Variants in RAP1A observed in about 807,000 individuals in gnomAD.
The protein encoded by RAP1A is ras-related protein Rap-1A.
RAP1A carries 6 observed loss-of-function variants against 26.4 expected under a neutral mutation model. That is an observed-to-expected ratio of 0.23 (90% CI 0.12 to 0.45). The LOEUF (loss-of-function observed/expected upper bound fraction) is 0.45. Ranked by LOEUF, RAP1A falls within the 20% of genes least tolerant of loss-of-function variation. The probability of loss-of-function intolerance (pLI) is 0.99; values close to 1 mark genes in which losing one functional copy is unlikely to be tolerated. For missense variants in RAP1A, 121 were observed against 217.2 expected, an observed-to-expected ratio of 0.56 and a Z score of 2.78; for synonymous variants, 73 against 79.4, an observed-to-expected ratio of 0.92 and a Z score of 0.43.
chr1:111,640,887 A>G (rs536759424), intron 1 of RAP1A, among the ~76,000 whole-genome samples: 2 of 152,032 alleles, frequency 1.3e-5, no homozygotes, highest in Non-Finnish European at 2.9e-5. Flanking sequence ...TCGCTTGAGC[A>G]TGGGAGGTTG....
chr1:111,558,654 A>G (rs1657611121), intron 1 of RAP1A, among the ~76,000 whole-genome samples: 1 of 124,294 alleles, frequency 8.0e-6, no homozygotes, highest in Non-Finnish European at 1.5e-5. Flanking sequence ...AAATTTTGCT[A>G]AAATAAATGG....
intron 1 of RAP1A, among the ~76,000 whole-genome samples, chr1:111,550,079 G>T (rs370682195): frequency 4.6e-5 from 7 of 152,196 alleles, no homozygotes; most frequent in Admixed American, 4.6e-4. Context: ...TTAGAAATTT[G>T]TCCATTTTCT....
In RAP1A at chr1:111,636,955, T is replaced by A. The variant is rs1659746412; in HGVS notation, c.-28+17021T>A. Among the ~76,000 whole-genome samples the A allele has an allele frequency of 1.3e-5, 2 of 152,322 alleles. 1 individual carries two copies. The highest frequency in any genetic ancestry group is 4.1e-4 in the South Asian group (2 of 4,828). On this transcript the variant is annotated intron_variant, in intron 1 of 7. Transcript: ENST00000369709. ...ATATTTCCATGGAGTGGTGTGATGA[T>A]GTAAGTGTGCTTCATTTAATAAAAG...
intron 1 of RAP1A, among the ~76,000 whole-genome samples, chr1:111,675,632 C>G (rs1243138028): frequency 6.6e-6 from 1 of 152,184 alleles, no homozygotes; most frequent in East Asian, 1.9e-4. Context: ...ACATACTTTT[C>G]ATTTTTGTTT....
In RAP1A at chr1:111,688,265, CTGTGTGTGTG is replaced by C. The variant is rs60277735; in HGVS notation, c.-27-3043_-27-3034del. Among the ~76,000 whole-genome samples the C allele has an allele frequency of 4.4e-4, 60 of 135,432 alleles. 1 individual carries two copies. Among genetic ancestry groups the C allele is most frequent in the East Asian group, 1.5e-3 (7 of 4,790 alleles). 88.8% of individuals were successfully genotyped at this position (135,432 alleles called of 152,430 possible). A position where few individuals can be genotyped will look rare whatever the true frequency, so the allele number is the denominator to read the frequency against. On this transcript the variant is annotated intron_variant, in intron 1 of 7. Transcript: ENST00000369709. ...TGTCTTGCATAGCTTCACAAGAAGT[CTGTGTGTGTG>C]TGTGTGTGTGTGTGTGTGTGTGTGT...
intron 1 of RAP1A, among the ~76,000 whole-genome samples, chr1:111,640,758 G>A (rs1403570633): frequency 6.6e-6 from 1 of 152,146 alleles, no homozygotes; most frequent in Non-Finnish European, 1.5e-5. Context: ...CCATGAGTTT[G>A]AGACCAGCCT....
chr1:111,602,294 TC>T (rs1183511346), intron 1 of RAP1A: 1 of 152,168 alleles, frequency 6.6e-6, no homozygotes, highest in Admixed American at 6.5e-5. Context: ...GATTTTGGAG[TC>T]AGGAAGCTCT....
chr1:111,607,453 C>T (rs1442549183), intron 1 of RAP1A, among the ~76,000 whole-genome samples: 26 of 152,088 alleles, frequency 1.7e-4, no homozygotes, highest in Non-Finnish European at 3.2e-4. Flanking sequence ...CTCAATCTTT[C>T]CCCCACCTTT....
chr1:111,554,804 C>T (rs1005484273), intron 1 of RAP1A, among the ~76,000 whole-genome samples: 2 of 152,062 alleles, frequency 1.3e-5, no homozygotes, highest in African/African-American at 2.4e-5. Context: ...CTGGCAAAAG[C>T]AAACACAAAT....
chr1:111,639,223 TA>T (rs1427650177), intron 1 of RAP1A, among the ~76,000 whole-genome samples: 1 of 152,216 alleles, frequency 6.6e-6, no homozygotes, highest in African/African-American at 2.4e-5. Flanking sequence ...TCTCTACTTA[TA>T]CCTTCAGAGT....
chr1:111,657,003 C>G (rs1314879360), intron 1 of RAP1A, among the ~76,000 whole-genome samples: 1 of 151,580 alleles, frequency 6.6e-6, no homozygotes, highest in African/African-American at 2.4e-5. Context: ...AATTCCCCAT[C>G]CCCCTTCTCC....
chr1:111,542,092 T>C, upstream of RAP1A: 1 of 212,774 alleles, frequency 4.7e-6, no homozygotes, highest in South Asian at 5.7e-5. Context: ...AAGCTTTTTT[T>C]TTTTTTTTGA....
intron 1 of RAP1A, among the ~76,000 whole-genome samples, chr1:111,622,306 A>G (rs1384910134): frequency 1.3e-5 from 2 of 152,174 alleles, no homozygotes; most frequent in Non-Finnish European, 2.9e-5. Flanking sequence ...CATGGCCTAC[A>G]AGCCTTACAG....
intron 1 of RAP1A, among the ~76,000 whole-genome samples, chr1:111,547,500 A>G (rs1657078035): frequency 6.6e-6 from 1 of 152,216 alleles, no homozygotes; most frequent in Non-Finnish European, 1.5e-5. Context: ...TATAAAATAT[A>G]AACTAATTTC....
rs1009532643 is a variant in RAP1A at position 111,563,351 on chromosome 1, A to G, written c.-28+20842A>G. On this transcript the variant is annotated intron_variant, in intron 1 of 7. Coordinates refer to the RAP1A transcript ENST00000356415. ...CTTAACAACAAGCAGCTTACTGTCT[A>G]TCTGGGGAGATAAGACATTCACATA... Among the ~76,000 whole-genome samples, 17 of 152,342 alleles carry G rather than the reference A, an allele frequency of 1.1e-4. 1 individual carries two copies. The highest frequency in any genetic ancestry group is 3.8e-4 in the African/African-American group (16 of 41,584).
intron 1 of RAP1A, among the ~76,000 whole-genome samples, chr1:111,641,844 CCA>C (rs1419127052): frequency 6.6e-6 from 1 of 152,116 alleles, no homozygotes. Context: ...TTGTAGTTAA[CCA>C]CACTGATGCT....
chr1:111,697,617 T>A, intron 4 of RAP1A, 120 bp downstream of exon 4: 1 of 1,503,782 alleles, frequency 6.6e-7, no homozygotes, highest in Non-Finnish European at 8.9e-7. Context: ...AAGAAGAAAT[T>A]CTCTGAACAT....
At chr1:111,618,516 C>A (rs976891471), upstream of RAP1A, among the ~76,000 whole-genome samples, 1 of 152,284 alleles carries the variant, frequency 6.6e-6, no homozygotes, top group Admixed American at 6.5e-5. Flanking sequence ...CCCATGTGAT[C>A]CTAACTAGAC....
chr1:111,642,578 C>T (rs1659926370), intron 1 of RAP1A, among the ~76,000 whole-genome samples: 1 of 151,786 alleles, frequency 6.6e-6, no homozygotes, highest in Admixed American at 6.6e-5. Flanking sequence ...AGCTCCGCTT[C>T]CTAGGTTCAC....
Sources: allele counts gnomAD v4.1 joint callset (sites outside exome capture counted in the v4.1 genomes callset), GRCh38; gene constraint gnomAD v4.1.1; transcripts MANE v1.5; gene names NCBI Gene and HGNC (gene_info 2026-07-23, HGNC 2026-07-21).